The following FRMPD4 variants were observed in gnomAD, a reference collection of about 807,000 sequenced individuals.
The protein encoded by FRMPD4 is FERM and PDZ domain containing 4.
A neutral mutation model predicts 94.1 loss-of-function variants in FRMPD4; 22 were observed. The ratio of observed to expected loss-of-function variants is 0.23; its 90% CI spans 0.17 to 0.33. The LOEUF is 0.33. Among genes scored for constraint, FRMPD4 ranks in the 10% least tolerant of loss-of-function variants. The pLI is 1.00. For missense variants in FRMPD4, 1,111 were observed against 1,339.9 expected, an observed-to-expected ratio of 0.83 and a Z score of 2.67; for synonymous variants, 631 against 548.6, an observed-to-expected ratio of 1.15 and a Z score of -2.10.
At chrX:12,545,311 C>T (rs1339738345) in intron 2 of FRMPD4, among the ~76,000 whole-genome samples, 2 of 51,191 alleles carry the variant, frequency 3.9e-5, no homozygotes, top group Non-Finnish European at 1.0e-4. Flanking sequence ...TGTGTGGCCC[C>T]AAGACAATTC....
At chrX:11,944,022 C>T (rs1465395910) in intron 3 of FRMPD4, among the ~76,000 whole-genome samples, 1 of 111,862 alleles carries the variant, frequency 8.9e-6, no homozygotes, top group Non-Finnish European at 1.9e-5. Flanking sequence ...CACAACTGCT[C>T]AACTCTGCCA....
intron 4 of FRMPD4, among the ~76,000 whole-genome samples, chrX:12,632,200 T>C (rs2059402016): frequency 8.9e-6 from 1 of 111,891 alleles, no homozygotes; most frequent in Non-Finnish European, 1.9e-5. Context: ...TGTGGTAGCT[T>C]GAAAGAGACA....
chrX:11,980,940 C>T (rs2147388346), intron 3 of FRMPD4, among the ~76,000 whole-genome samples: 1 of 111,388 alleles, frequency 9.0e-6, no homozygotes, highest in South Asian at 3.8e-4. Context: ...AACTACCGCC[C>T]CTGGGCCATT....
chrX:12,721,379 G>A lies in FRMPD4; in HGVS notation c.4810G>A (p.Asp1604Asn). The change falls in exon 17 of 17, where the codon GAT (aspartate) becomes AAT (asparagine). Residue 1604 changes from aspartate (D) to asparagine (N), a missense_variant. Coordinates refer to ENST00000675598, the MANE Select transcript of FRMPD4 (RefSeq NM_001368397.1). ...AAAGGAGAGCACATATGCAATGCCTGATGGGTTCCTTGCAGCCCAAAATGA... is the reference window on the plus strand; with the variant it reads ...AAAGGAGAGCACATATGCAATGCCTAATGGGTTCCTTGCAGCCCAAAATGA... ...ALKESTYAMP[D>N]GFLAAQNDAN... The A allele has an allele frequency of 2.6e-6, 2 of 755,988 alleles. No homozygotes were observed. Among genetic ancestry groups the A allele is most frequent in the Non-Finnish European group, 3.1e-6 (2 of 639,097 alleles). 62.3% of individuals were successfully genotyped at this position (755,988 alleles called of 1,213,427 possible). A position where few individuals can be genotyped will look rare whatever the true frequency, so the allele number is the denominator to read the frequency against.
intron 3 of FRMPD4, among the ~76,000 whole-genome samples, chrX:11,970,794 C>A (rs987590046): frequency 8.9e-6 from 1 of 111,921 alleles, no homozygotes; most frequent in Admixed American, 9.5e-5. Context: ...ATCCCAAAAG[C>A]CTGTCATTTA....
intron 3 of FRMPD4, among the ~76,000 whole-genome samples, chrX:11,944,954 A>C (rs1283521315): frequency 8.9e-6 from 1 of 112,281 alleles, no homozygotes; most frequent in Non-Finnish European, 1.9e-5. Context: ...TGTTTAAATA[A>C]ATGTTATAGA....
At chrX:12,249,578 G>T (rs1413168834) in intron 1 of FRMPD4, among the ~76,000 whole-genome samples, 1 of 111,150 alleles carries the variant, frequency 9.0e-6, no homozygotes, top group South Asian at 3.8e-4. Flanking sequence ...ATGCTTTCTG[G>T]GGGCTAGAAA....
chrX:11,917,028 A>G (rs1477782884), intron 3 of FRMPD4, among the ~76,000 whole-genome samples: 4 of 111,857 alleles, frequency 3.6e-5, no homozygotes. Flanking sequence ...GAGTTGGGAA[A>G]CTTCCTACCT....
intron 4 of FRMPD4, among the ~76,000 whole-genome samples, chrX:12,666,746 C>T (rs751701125): frequency 9.0e-6 from 1 of 111,587 alleles, no homozygotes; most frequent in Non-Finnish European, 1.9e-5. Flanking sequence ...AGACACAAGA[C>T]ACAACTTACC....
intron 1 of FRMPD4, among the ~76,000 whole-genome samples, chrX:12,321,846 T>C (rs2055212369): frequency 8.9e-6 from 1 of 112,033 alleles, no homozygotes; most frequent in African/African-American, 3.2e-5. Context: ...GGGCTCACTC[T>C]TCACACTTGT....
At chrX:11,849,682 T>G (rs1476109850) in intron 1 of FRMPD4, among the ~76,000 whole-genome samples, 14 of 109,937 alleles carry the variant, frequency 1.3e-4, no homozygotes, top group East Asian at 1.1e-3. Flanking sequence ...GGACAGGTTT[T>G]TTTTTTTTTT....
chrX:12,593,475 T>C (rs1036677189), intron 2 of FRMPD4, among the ~76,000 whole-genome samples: 2 of 112,346 alleles, frequency 1.8e-5, no homozygotes, highest in Non-Finnish European at 3.8e-5. Flanking sequence ...TTTCAGATCA[T>C]TCAGCTCAGG....
chrX:12,383,567 A>G (rs1422928300), intron 1 of FRMPD4, among the ~76,000 whole-genome samples: 1 of 111,451 alleles, frequency 9.0e-6, no homozygotes, highest in Non-Finnish European at 1.9e-5. Flanking sequence ...TTTTCCATTG[A>G]ATTCTGTGCT....
intron 1 of FRMPD4, among the ~76,000 whole-genome samples, chrX:12,368,045 A>G (rs1457060172): frequency 1.8e-5 from 2 of 111,622 alleles, no homozygotes; most frequent in East Asian, 2.8e-4. Context: ...TGCAATGACC[A>G]TACATTGCCA....
chrX:11,931,482 G>A (rs187097354), intron 3 of FRMPD4, among the ~76,000 whole-genome samples: 52 of 111,580 alleles, frequency 4.7e-4, no homozygotes, highest in Admixed American at 3.2e-3. Context: ...TCAGTACCTC[G>A]CCTCTCCTCA....
rs1272484457 is a variant in FRMPD4 at position 12,609,748 on chromosome X, C to T, written c.186C>T (p.Asp62=). ...ACATGACACAGGCAATCCCTTTTGA[C>T]GACCCTCGGTTAGAGAGCTGCCAAA... The part of the protein sequence containing the change: ...INHMTQAIPF[D]DPRLESCQII... Residue 62 remains aspartate, a synonymous_variant, in exon 3 of 17, where the codon GAC becomes GAT. Coordinates refer to ENST00000675598, the MANE Select transcript of FRMPD4 (RefSeq NM_001368397.1). 1.2e-5 allele frequency: 14 copies of T among 1,206,797 alleles called. No homozygotes were observed. Among genetic ancestry groups the T allele is most frequent in the Admixed American group, 6.5e-5 (3 of 45,900 alleles).
chrX:12,308,724 G>A (rs896237827), intron 1 of FRMPD4, among the ~76,000 whole-genome samples: 21 of 111,818 alleles, frequency 1.9e-4, no homozygotes, highest in African/African-American at 6.8e-4. Context: ...ACTCTTCAGA[G>A]CAGTGCCCTG....
At chrX:12,441,569 G>A (rs940481047) in intron 1 of FRMPD4, among the ~76,000 whole-genome samples, 2 of 111,946 alleles carry the variant, frequency 1.8e-5, no homozygotes, top group African/African-American at 6.5e-5. Context: ...AGCTGGGGCA[G>A]GGCATTTTGC....
At chrX:11,962,222 A>G (rs749099302) in intron 3 of FRMPD4, among the ~76,000 whole-genome samples, 5 of 112,080 alleles carry the variant, frequency 4.5e-5, no homozygotes, top group Non-Finnish European at 7.5e-5. Context: ...TAAGTTACCC[A>G]GTCTAAAGTA....
Sources: gnomAD v4.1 joint callset for allele counts (sites outside exome capture counted in the v4.1 genomes callset) on GRCh38, gnomAD v4.1.1 for gene constraint, MANE v1.5 for transcripts, NCBI Gene and HGNC (gene_info 2026-07-23, HGNC 2026-07-21) for gene names.